Variants in EPB41L1 observed in about 807,000 individuals in gnomAD.
EPB41L1 encodes the protein erythrocyte membrane protein band 4.1 like 1, also known as band 4.1-like protein 1.
In EPB41L1, 29 loss-of-function variants were observed where a neutral mutation model predicts 97.8. That is an observed-to-expected ratio of 0.30 (90% CI 0.22 to 0.40). The LOEUF (loss-of-function observed/expected upper bound fraction) is 0.40, where lower values mean the gene tolerates loss of function less well. Ranked by LOEUF, EPB41L1 falls within the 10% of genes least tolerant of loss-of-function variation. The probability of loss-of-function intolerance (pLI) is 1.00; values close to 1 mark genes in which losing one functional copy is unlikely to be tolerated. For synonymous variants in EPB41L1, 383 were observed against 459.2 expected (o/e 0.83, Z 2.12); for missense variants, 812 against 1,162.3 (o/e 0.70, Z 4.38).
intron 17 of EPB41L1, among the ~76,000 whole-genome samples, chr20:36,217,538 T>A (rs1049231463): frequency 2.0e-4 from 31 of 152,004 alleles, no homozygotes; most frequent in African/African-American, 7.0e-4. Flanking sequence ...GTTTTTAGTG[T>A]GAAGGTGGAG....
At chr20:36,205,926 G>A in intron 14 of EPB41L1, 1 of 1,289,904 alleles carries the variant, frequency 7.8e-7, no homozygotes, top group South Asian at 1.2e-5. Context: ...TGACCACCAT[G>A]CAGCAGGAAG....
chr20:36,094,244 A>G (rs1432047110), intron 1 of EPB41L1, among the ~76,000 whole-genome samples: 1 of 152,142 alleles, frequency 6.6e-6, no homozygotes, highest in African/African-American at 2.4e-5. Context: ...AGTTGTTTGT[A>G]TATTAGTCTG....
chr20:36,129,644 C>T (rs542896893), intron 2 of EPB41L1, among the ~76,000 whole-genome samples: 11 of 152,300 alleles, frequency 7.2e-5, no homozygotes, highest in Non-Finnish European at 1.0e-4. Context: ...GGCCTGCCCT[C>T]ATTTGCCTGT....
chr20:36,232,543 G>C lies in EPB41L1; in HGVS notation c.*3203G>C, dbSNP rs570991515. On this transcript the variant is annotated 3_prime_UTR_variant, in exon 22 of 22. Coordinates refer to ENST00000338074, the MANE Select transcript of EPB41L1 (RefSeq NM_012156.2). The stretch of plus-strand genomic sequence containing the variant: ...GAGGGTACAGGAAGTACCAGGACCT[G>C]TTTCAGTTTTTGAATCCTGCAAGCA... The C allele has an allele frequency of 7.5e-6, 3 of 398,916 alleles. No individual in the cohort carries two copies. The highest frequency in any genetic ancestry group is 1.3e-5 in the Non-Finnish European group (3 of 226,078). 24.7% of individuals were successfully genotyped at this position (398,916 alleles called of 1,614,324 possible). A position where few individuals can be genotyped will look rare whatever the true frequency, so the allele number is the denominator to read the frequency against.
intron 18 of EPB41L1, among the ~76,000 whole-genome samples, chr20:36,219,431 A>G (rs1377161825): frequency 1.3e-5 from 2 of 152,176 alleles, no homozygotes; most frequent in East Asian, 1.9e-4. Flanking sequence ...GCACCTGGCT[A>G]TGACAGGATG....
At chr20:36,149,503 A>G (rs867883968) in intron 2 of EPB41L1, among the ~76,000 whole-genome samples, 2 of 151,988 alleles carry the variant, frequency 1.3e-5, no homozygotes, top group Non-Finnish European at 2.9e-5. Context: ...GGAGAAGAGG[A>G]AGTAGGGGGC....
Position 36,209,985 on chromosome 20 carries a change from C to T in EPB41L1, c.2079+87C>T, listed in dbSNP as rs1193445657. 1.4e-6 allele frequency: 2 copies of T among 1,479,892 alleles called. No homozygotes were observed. The highest frequency in any genetic ancestry group is 2.0e-5 in the Admixed American group (1 of 50,536). The allele number at this position is 1,479,892 out of a possible 1,614,324, so 91.7% of individuals were successfully genotyped here. A position where few individuals can be genotyped will look rare whatever the true frequency, so the allele number is the denominator to read the frequency against. On this transcript the variant is annotated intron_variant, in intron 15 of 21. Coordinates refer to ENST00000338074, the MANE Select transcript of EPB41L1 (RefSeq NM_012156.2). This position sits in a 1 kb window ranked among gnomAD's most constrained non-coding sequence, Gnocchi z 4.2. The stretch of plus-strand genomic sequence containing the variant: ...GCCACCCGTGAGAAGACCGAGCACC[C>T]AGCCTGCAGCCTGAAGCTCTGTCTC...
At chr20:36,222,129 G>A in intron 20 of EPB41L1, 149 bp from the exon 21 acceptor site, 2 of 957,546 alleles carry the variant, frequency 2.1e-6, no homozygotes, top group Admixed American at 3.4e-5. Context: ...CAGAAGACCT[G>A]AGCTCTAGTC....
Position 36,134,852 on chromosome 20 carries a change from C to CTT in EPB41L1, c.-10+22396_-10+22397dup, listed in dbSNP as rs764236552. 9.1e-3 allele frequency among the ~76,000 whole-genome samples: 982 copies of CTT among 107,654 alleles called. 48 individuals carry two copies. The highest frequency in any genetic ancestry group is 0.027 in the African/African-American group (747 of 27,704). The allele number at this position is 107,654 out of a possible 152,430, so 70.6% of individuals were successfully genotyped here. A position where few individuals can be genotyped will look rare whatever the true frequency, so the allele number is the denominator to read the frequency against. The stretch of plus-strand genomic sequence containing the variant: ...GAACACTATTTTGTGTTTTCTCTGT[C>CTT]TTTTTTTTTTTTTTTTTTTTTTTTT... On this transcript the variant is annotated intron_variant, in intron 2 of 19. Transcript: ENST00000202028.
In EPB41L1 at chr20:36,190,323, G is replaced by C. The variant is rs565289806; in HGVS notation, c.1073G>C (p.Arg358Pro). The change falls in exon 10 of 22, where the codon CGG becomes CCG. Residue 358 changes from arginine (R) to proline (P), a missense_variant. Arg to Pro is a moderately radical substitution (Grantham distance 103). Transcript: ENST00000338074. The surrounding 1 kb of genome is among the most constrained non-coding windows in gnomAD (Gnocchi z 5.8). ...STIGFKLPNH[R>P]SAKRLWKVCI... ...ATTGGCTTTAAGCTCCCAAACCACCGGTCAGCCAAGAGACTGTGGAAGGTC... is the reference window on the plus strand; with the variant it reads ...ATTGGCTTTAAGCTCCCAAACCACCCGTCAGCCAAGAGACTGTGGAAGGTC... 6.2e-7 allele frequency: 1 copy of C among 1,614,132 alleles called. No homozygotes were observed.
At chr20:36,134,529 C>CA (rs1481885942) in intron 2 of EPB41L1, among the ~76,000 whole-genome samples, 1 of 152,194 alleles carries the variant, frequency 6.6e-6, no homozygotes, top group Non-Finnish European at 1.5e-5. Context: ...GGTGAGTTGG[C>CA]AGCCCTAGTT....
intron 5 of EPB41L1, among the ~76,000 whole-genome samples, chr20:36,178,953 C>T (rs188777533): frequency 1.1e-3 from 163 of 151,590 alleles, no homozygotes; most frequent in African/African-American, 3.8e-3. Flanking sequence ...CCCAGCTACT[C>T]GGGAGGCTGA....
chr20:36,207,208 CT>C lies in EPB41L1; in HGVS notation c.1669-2277del, dbSNP rs1393079697. On this transcript the variant is annotated intron_variant, in intron 14 of 21. Coordinates refer to ENST00000338074, the MANE Select transcript of EPB41L1 (RefSeq NM_012156.2). This position sits in a 1 kb window ranked among gnomAD's most constrained non-coding sequence, Gnocchi z 4.9. ...GGAGCCCTTTCTTAGACATGTCCAT[CT>C]TTCGAAAGCCAGCCCAGAGCCCAAG... 3.1e-6 allele frequency: 4 copies of C among 1,284,768 alleles called. No individual in the cohort carries two copies. The highest frequency in any genetic ancestry group is 4.1e-6 in the Non-Finnish European group (4 of 985,490). 79.6% of individuals were successfully genotyped at this position (1,284,768 alleles called of 1,614,324 possible). A position where few individuals can be genotyped will look rare whatever the true frequency, so the allele number is the denominator to read the frequency against.
chr20:36,129,435 C>A (rs2059104930), intron 2 of EPB41L1, among the ~76,000 whole-genome samples: 1 of 152,098 alleles, frequency 6.6e-6, no homozygotes, highest in South Asian at 2.1e-4. Flanking sequence ...AGACGCCTTC[C>A]TGGGGAATGT....
intron 1 of EPB41L1, among the ~76,000 whole-genome samples, chr20:36,099,538 G>A (rs1361091819): frequency 6.6e-6 from 1 of 151,974 alleles, no homozygotes; most frequent in Non-Finnish European, 1.5e-5. Context: ...TGTCATATCC[G>A]CTGCATTCTC....
At chr20:36,154,311 C>T (rs2060178645), upstream of EPB41L1, among the ~76,000 whole-genome samples, 1 of 152,136 alleles carries the variant, frequency 6.6e-6, no homozygotes, top group Admixed American at 6.5e-5. This position sits in a 1 kb window ranked among gnomAD's most constrained non-coding sequence, Gnocchi z 5.5. Flanking sequence ...CCTCTTCTCT[C>T]CTCCCCCTCC....
At chr20:36,203,891 A>G (rs2062640420) in intron 14 of EPB41L1, among the ~76,000 whole-genome samples, 1 of 152,168 alleles carries the variant, frequency 6.6e-6, no homozygotes, top group Non-Finnish European at 1.5e-5. Context: ...TTGAGCCTTC[A>G]AAATGTTTCA....
In EPB41L1 at chr20:36,209,810, G is replaced by A; in HGVS notation, c.1991G>A (p.Gly664Glu). Residue 664 changes from glycine to glutamate, a missense_variant, in exon 15 of 22, where the codon GGG (glycine) becomes GAG (glutamate). This residue lies in a region of EPB41L1 where 498 missense variants were observed against 622.7 expected (regional missense o/e 0.80). Transcript: ENST00000338074. This position sits in a 1 kb window ranked among gnomAD's most constrained non-coding sequence, Gnocchi z 4.2. ...CTGTTCTCCCGGGATCTCAACAAGG[G>A]GGCCCCCAGCCAGGATGATGAGTCT... ...GLLFSRDLNKGAPSQDDESGG... is the reference protein window; with the variant it reads ...GLLFSRDLNKEAPSQDDESGG... The A allele has an allele frequency of 6.2e-7, 1 of 1,613,792 alleles. No homozygotes were observed. Among genetic ancestry groups the A allele is most frequent in the South Asian group, 1.1e-5 (1 of 91,076 alleles).
intron 5 of EPB41L1, 26 bp from the exon 6 acceptor site, chr20:36,182,246 C>A (rs1339381428): frequency 6.2e-7 from 1 of 1,611,740 alleles, no homozygotes; most frequent in Non-Finnish European, 8.5e-7. Flanking sequence ...TAGGGCCTCG[C>A]TGATCTCTCT....
Sources: allele counts gnomAD v4.1 joint callset (sites outside exome capture counted in the v4.1 genomes callset), GRCh38; gene constraint gnomAD v4.1.1; regional missense constraint gnomAD v4.1.1; non-coding constraint Gnocchi (gnomAD v3.1); transcripts MANE v1.5; gene names NCBI Gene and HGNC (gene_info 2026-07-23, HGNC 2026-07-21).